Variants in RSRP1 observed in about 807,000 individuals in gnomAD.
The protein encoded by RSRP1 is arginine and serine rich protein 1.
Under a neutral mutation model 33.0 loss-of-function variants are expected in RSRP1, and 37 were observed. The ratio of observed to expected loss-of-function variants is 1.12; its 90% confidence interval spans 0.86 to 1.48. The LOEUF (loss-of-function observed/expected upper bound fraction) is 1.48. Ranked by LOEUF, RSRP1 falls within the 40% of genes most tolerant of loss-of-function variation. RSRP1 has a pLI of 0.00. For synonymous variants in RSRP1, 167 were observed against 158.7 expected (o/e 1.05, Z -0.40); for missense variants, 402 against 385.3 (o/e 1.04, Z -0.36).
upstream of RSRP1, among the ~76,000 whole-genome samples, chr1:25,251,221 T>G (rs1639767996): frequency 6.6e-6 from 1 of 152,068 alleles, no homozygotes; most frequent in South Asian, 2.1e-4. Flanking sequence ...AAACAAAATG[T>G]GACTGACACC....
At chr1:25,248,920 G>A (rs889841000), upstream of RSRP1, among the ~76,000 whole-genome samples, 5 of 152,138 alleles carry the variant, frequency 3.3e-5, no homozygotes, top group Non-Finnish European at 5.9e-5. Context: ...AGGCCGAAGC[G>A]GGAAGATCAC....
intron 1 of RSRP1, among the ~76,000 whole-genome samples, chr1:25,275,062 G>A (rs1463732659): frequency 1.5e-5 from 2 of 132,068 alleles, no homozygotes; most frequent in Admixed American, 1.5e-4. Context: ...GACCAAGGCA[G>A]GCAGATCACC....
In RSRP1 at chr1:25,300,858, GA is replaced by G. The variant is rs144079484; in HGVS notation, c.-67+37119del. 2.6e-3 allele frequency: 3,406 copies of G among 1,294,538 alleles called. 545 individuals are homozygous for G. The African/African-American group carries it at 0.043, about 16-fold the overall frequency. 80.2% of individuals were successfully genotyped at this position (1,294,538 alleles called of 1,614,324 possible). A position where few individuals can be genotyped will look rare whatever the true frequency, so the allele number is the denominator to read the frequency against. On this transcript the variant is annotated intron_variant, in intron 1 of 1. Coordinates refer to the RSRP1 transcript ENST00000561867. ...TGGCTTCAAGTCACACCTCCTAAGT[GA>G]AGCTCTGAACTTTCTCCAAGGACTA...
chr1:25,281,857 C>A (rs1232958185), intron 1 of RSRP1, among the ~76,000 whole-genome samples: 1 of 132,708 alleles, frequency 7.5e-6, no homozygotes, highest in African/African-American at 2.6e-5. Flanking sequence ...AGTGTCCTCC[C>A]TTGTCCTCTC....
Position 25,277,023 on chromosome 1 carries a change from C to T in RSRP1, c.-66-29994G>A, listed in dbSNP as rs1250317924. Among the ~76,000 whole-genome samples the T allele has an allele frequency of 2.3e-5, 3 of 130,690 alleles. 1 individual carries two copies. Among genetic ancestry groups the T allele is most frequent in the Non-Finnish European group, 3.6e-5 (2 of 55,232 alleles). 85.7% of individuals were successfully genotyped at this position (130,690 alleles called of 152,430 possible). A position where few individuals can be genotyped will look rare whatever the true frequency, so the allele number is the denominator to read the frequency against. ...CGGAGCTTTCAGTGAGCTGAGATTA[C>T]GCCACTGCACTCCAGCCTGGGCAAC... On this transcript the variant is annotated intron_variant, in intron 1 of 1. Transcript: ENST00000561867.
Position 25,298,309 on chromosome 1 carries a change from C to T in RSRP1, c.-67+39669G>A, listed in dbSNP as rs1443225392. On this transcript the variant is annotated intron_variant, in intron 1 of 1. Transcript: ENST00000561867. ...TCCTGCTTTGTTGCAGTCTTCATAA[C>T]GATTGCTTTAAAAGACTGCATTGAT... Among the ~76,000 whole-genome samples, 12 of 122,904 alleles carry T rather than the reference C, an allele frequency of 9.8e-5. No homozygotes were observed. In the East Asian group the frequency reaches 1.6e-3, roughly 17 times the overall value. The allele number at this position is 122,904 out of a possible 152,430, so 80.6% of individuals were successfully genotyped here.
In RSRP1 at chr1:25,307,587, G is replaced by A. The variant is rs1482920922; in HGVS notation, c.-67+30391C>T. The A allele has an allele frequency of 3.0e-5, 22 of 734,098 alleles. 2 individuals are homozygous for A. The highest frequency in any genetic ancestry group is 1.9e-4 in the African/African-American group (11 of 57,188). The allele number at this position is 734,098 out of a possible 1,614,324, so 45.5% of individuals were successfully genotyped here. A position where few individuals can be genotyped will look rare whatever the true frequency, so the allele number is the denominator to read the frequency against. On this transcript the variant is annotated intron_variant, in intron 1 of 1. Transcript: ENST00000561867. ...ATTATCTCCTTGAATTCTCACAACC[G>A]CCTACTGAGGTATTCTCAGACTCTA... is the stretch of plus-strand genomic sequence containing the variant.
chr1:25,278,015 A>G lies in RSRP1; in HGVS notation c.-66-30986T>C, dbSNP rs1641164962. ...TTAATTTTTTAAATAAAATAAATAAAACTAGAATTGCTTGTTTTCTTCCAG... is the reference window on the plus strand; with the variant it reads ...TTAATTTTTTAAATAAAATAAATAAGACTAGAATTGCTTGTTTTCTTCCAG... On this transcript the variant is annotated intron_variant, in intron 1 of 1. Coordinates refer to the RSRP1 transcript ENST00000561867. Among the ~76,000 whole-genome samples the G allele has an allele frequency of 1.5e-5, 2 of 131,146 alleles. 1 individual carries two copies. The highest frequency in any genetic ancestry group is 3.6e-5 in the Non-Finnish European group (2 of 55,334). The allele number at this position is 131,146 out of a possible 152,430, so 86.0% of individuals were successfully genotyped here.
At position 25,283,527 on chromosome 1, in the gene RSRP1, C is replaced by A. The variant is rs542300710; in HGVS notation, c.-66-36498G>T. Among the ~76,000 whole-genome samples the A allele has an allele frequency of 1.2e-4, 15 of 127,960 alleles. 4 individuals carry two copies. The highest frequency in any genetic ancestry group is 2.4e-4 in the Non-Finnish European group (13 of 54,516). The allele number at this position is 127,960 out of a possible 152,430, so 83.9% of individuals were successfully genotyped here. On this transcript the variant is annotated intron_variant, in intron 1 of 1. Coordinates refer to the RSRP1 transcript ENST00000561867. ...GCCTGGGTGACGAGTGAAACTCTAT[C>A]TCGATATTAAAAAAAAAAATCTTAG...
chr1:25,243,795 C>T, intron 3 of RSRP1, 162 bp from the exon 4 acceptor site: 1 of 1,372,932 alleles, frequency 7.3e-7, no homozygotes, highest in Non-Finnish European at 9.4e-7. Context: ...TTCCCCTTAA[C>T]AAAACTGATT....
At chr1:25,331,801 G>A (rs1382175532) in intron 1 of RSRP1, among the ~76,000 whole-genome samples, 22 of 109,718 alleles carry the variant, frequency 2.0e-4, no homozygotes, top group Admixed American at 3.7e-4. Flanking sequence ...GTGCAGTGGC[G>A]CGATCTCGGC....
At chr1:25,250,636 G>A (rs74060755), upstream of RSRP1, among the ~76,000 whole-genome samples, 2,584 of 152,342 alleles carry the variant, frequency 0.017, 68 homozygotes, top group African/African-American at 0.058. Context: ...AGATTATTCT[G>A]AAGTATCTGG....
intron 1 of RSRP1, among the ~76,000 whole-genome samples, chr1:25,332,005 G>A (rs1443207397): frequency 8.0e-6 from 1 of 124,706 alleles, no homozygotes; most frequent in Non-Finnish European, 1.9e-5. Flanking sequence ...CTCCCAAAGT[G>A]CTGGGATTAC....
chr1:25,279,086 G>C (rs1399270132), intron 1 of RSRP1, among the ~76,000 whole-genome samples: 4 of 128,932 alleles, frequency 3.1e-5, no homozygotes, highest in African/African-American at 1.1e-4. Context: ...GCAGCTGACC[G>C]GAGGAGGCAG....
Position 25,321,528 on chromosome 1 carries a change from G to C in RSRP1, c.-67+16450C>G, listed in dbSNP as rs1644702875. ...AAAAAAAAAAAAAAAAAATTAGCTGGATGTGGTGGCAGGCGCCTATAATCT... is the reference window on the plus strand; with the variant it reads ...AAAAAAAAAAAAAAAAAATTAGCTGCATGTGGTGGCAGGCGCCTATAATCT... On this transcript the variant is annotated intron_variant, in intron 1 of 1. Coordinates refer to the RSRP1 transcript ENST00000561867. Among the ~76,000 whole-genome samples the C allele has an allele frequency of 1.6e-5, 2 of 121,326 alleles. 1 individual carries two copies. The allele number at this position is 121,326 out of a possible 152,430, so 79.6% of individuals were successfully genotyped here. A position where few individuals can be genotyped will look rare whatever the true frequency, so the allele number is the denominator to read the frequency against.
chr1:25,320,866 G>A (rs561866828), intron 1 of RSRP1, among the ~76,000 whole-genome samples: 2 of 130,198 alleles, frequency 1.5e-5, no homozygotes, highest in African/African-American at 2.6e-5. Context: ...ACATGGCTAA[G>A]TCCTGTCTCT....
At chr1:25,321,334 C>A (rs1272686818) in intron 1 of RSRP1, among the ~76,000 whole-genome samples, 4 of 119,742 alleles carry the variant, frequency 3.3e-5, no homozygotes, top group Admixed American at 3.3e-4. Flanking sequence ...CACTGCCATT[C>A]CCAGTTCTTT....
chr1:25,295,849 A>C (rs1642893730), intron 1 of RSRP1, among the ~76,000 whole-genome samples: 1 of 33,728 alleles, frequency 3.0e-5, no homozygotes, highest in African/African-American at 5.8e-5. Flanking sequence ...GAATATGGGA[A>C]ATTTTTTTTT....
At chr1:25,313,683 G>C (rs1461333078) in intron 1 of RSRP1, among the ~76,000 whole-genome samples, 1 of 132,440 alleles carries the variant, frequency 7.6e-6, no homozygotes, top group Non-Finnish European at 1.8e-5. Context: ...CAGAAAGAGA[G>C]GGGGAACTGG....
Sources: allele counts gnomAD v4.1 joint callset (sites outside exome capture counted in the v4.1 genomes callset), GRCh38; gene constraint gnomAD v4.1.1; transcripts MANE v1.5; gene names NCBI Gene and HGNC (gene_info 2026-07-23, HGNC 2026-07-21).